The following GRM8 variants were observed in gnomAD, a reference collection of about 807,000 sequenced individuals.
GRM8 encodes the protein metabotropic glutamate receptor 8.
In GRM8, 47 loss-of-function variants were observed where a neutral mutation model predicts 87.2. The ratio of observed to expected loss-of-function variants is 0.54; its 90% CI spans 0.43 to 0.69. The LOEUF (loss-of-function observed/expected upper bound fraction) is 0.69, where lower values mean the gene tolerates loss of function less well. Ranked by LOEUF, GRM8 falls within the 30% of genes least tolerant of loss-of-function variation. The pLI is 0.00. For synonymous variants in GRM8, 396 were observed against 404.5 expected (o/e 0.98, Z 0.25); for missense variants, 1,019 against 1,139.2 (o/e 0.89, Z 1.52).
chr7:127,214,609 G>A (rs755009812), intron 2 of GRM8, among the ~76,000 whole-genome samples: 1 of 152,166 alleles, frequency 6.6e-6, no homozygotes. Flanking sequence ...ATGGCGGCAG[G>A]AGAAGGAGCG....
intron 6 of GRM8, among the ~76,000 whole-genome samples, chr7:126,784,286 C>A (rs1820398337): frequency 1.3e-5 from 2 of 152,182 alleles, no homozygotes; most frequent in South Asian, 4.1e-4. Flanking sequence ...ACAGTTTCAT[C>A]TTTAAACTTT....
At chr7:126,601,368 G>T (rs372800520) in intron 8 of GRM8, among the ~76,000 whole-genome samples, 2 of 151,916 alleles carry the variant, frequency 1.3e-5, no homozygotes, top group African/African-American at 2.4e-5. Context: ...TCTTTGCTAT[G>T]GTGAATAATG....
chr7:127,081,905 C>A (rs1822912762), intron 3 of GRM8, among the ~76,000 whole-genome samples: 1 of 152,082 alleles, frequency 6.6e-6, no homozygotes, highest in African/African-American at 2.4e-5. Context: ...ATCAGCAGTG[C>A]TGGAGGATGC....
chr7:126,749,527 AATAT>A lies in GRM8; in HGVS notation c.1357+20334_1357+20337del, dbSNP rs1585772628. ...AAAGTGAAAAGAAAAATATTTGTTA[AATAT>A]ATAAACAAATATTACATATTTTTAT... is the stretch of plus-strand genomic sequence containing the variant. On this transcript the variant is annotated intron_variant, in intron 7 of 10. Coordinates refer to ENST00000339582, the MANE Select transcript of GRM8 (RefSeq NM_000845.3). Among the ~76,000 whole-genome samples, 3 of 150,798 alleles carry A rather than the reference AATAT, an allele frequency of 2.0e-5. No individual in the cohort carries two copies. In the East Asian group the frequency reaches 5.8e-4, roughly 29 times the overall value.
At chr7:126,495,870 C>T (rs1004197118) in intron 9 of GRM8, among the ~76,000 whole-genome samples, 10 of 151,882 alleles carry the variant, frequency 6.6e-5, no homozygotes, top group South Asian at 2.1e-4. Context: ...AGGTGGCTAA[C>T]GAAAATATCC....
In GRM8 at chr7:126,733,347, T is replaced by C. The variant is rs551687801; in HGVS notation, c.1357+36518A>G. Among the ~76,000 whole-genome samples the C allele has an allele frequency of 2.4e-4, 36 of 150,934 alleles. No individual in the cohort carries two copies. The South Asian group carries it at 6.6e-3, about 28-fold the overall frequency. ...GTGAAAGTATTTGTTTACTTTATTA[T>C]ATATAATATACATTAAATTGATAAT... On this transcript the variant is annotated intron_variant, in intron 7 of 10. Coordinates refer to ENST00000339582, the MANE Select transcript of GRM8 (RefSeq NM_000845.3).
chr7:126,532,778 T>G (rs1303609092), intron 9 of GRM8, among the ~76,000 whole-genome samples, 174 bp downstream of exon 9: 9 of 9,524 alleles, frequency 9.4e-4, no homozygotes, highest in African/African-American at 5.1e-3. Flanking sequence ...TATATATATA[T>G]ATATATATAT....
chr7:126,920,331 T>C (rs549593019), intron 3 of GRM8, among the ~76,000 whole-genome samples: 1 of 152,212 alleles, frequency 6.6e-6, no homozygotes, highest in South Asian at 2.1e-4. Flanking sequence ...CAACCTGAGC[T>C]AAAACACTCT....
chr7:126,778,787 C>T (rs1819742737), intron 6 of GRM8, among the ~76,000 whole-genome samples: 1 of 152,066 alleles, frequency 6.6e-6, no homozygotes, highest in African/African-American at 2.4e-5. Flanking sequence ...CAATATGTTA[C>T]AGTCATTTCA....
At chr7:127,102,602 A>G (rs1273923345) in intron 3 of GRM8, among the ~76,000 whole-genome samples, 3 of 152,226 alleles carry the variant, frequency 2.0e-5, no homozygotes, top group Non-Finnish European at 2.9e-5. Context: ...ATGAGCTACT[A>G]TAAGCCTTGA....
intron 3 of GRM8, among the ~76,000 whole-genome samples, chr7:127,037,832 C>CAT (rs372219560): frequency 3.4e-5 from 5 of 147,324 alleles, no homozygotes; most frequent in East Asian, 2.1e-4. Flanking sequence ...CATGCGCATC[C>CAT]GTGTGTGTGT....
chr7:126,834,312 A>T lies in GRM8; in HGVS notation c.1157-64247T>A, dbSNP rs529005657. Among the ~76,000 whole-genome samples, 11 of 152,366 alleles carry T rather than the reference A, an allele frequency of 7.2e-5. No individual in the cohort carries two copies. In the South Asian group the frequency reaches 2.3e-3, roughly 32 times the overall value. Reference sequence around the variant, plus strand: ...TTTTAAGGGGAAACAATACATGGGAATTCAATTGTGCATATCCTAATGGAG... The same window carrying T: ...TTTTAAGGGGAAACAATACATGGGATTTCAATTGTGCATATCCTAATGGAG... On this transcript the variant is annotated intron_variant, in intron 6 of 10. Transcript: ENST00000339582.
intron 3 of GRM8, among the ~76,000 whole-genome samples, chr7:127,080,103 C>T (rs932162345): frequency 2.6e-5 from 4 of 152,088 alleles, no homozygotes; most frequent in Non-Finnish European, 5.9e-5. Flanking sequence ...GGAAGATGAT[C>T]CCAGATGATT....
At chr7:126,679,856 C>T (rs1179337600) in intron 7 of GRM8, among the ~76,000 whole-genome samples, 1 of 152,022 alleles carries the variant, frequency 6.6e-6, no homozygotes, top group East Asian at 1.9e-4. Context: ...ATGGCAAAAC[C>T]CCATCTCTAC....
chr7:126,665,867 T>C (rs1805705530), intron 7 of GRM8, among the ~76,000 whole-genome samples: 1 of 152,142 alleles, frequency 6.6e-6, no homozygotes, highest in South Asian at 2.1e-4. Flanking sequence ...GCATGTTTTA[T>C]TGTTTTCAAT....
intron 10 of GRM8, among the ~76,000 whole-genome samples, chr7:126,442,938 T>A (rs1201949596): frequency 6.6e-6 from 1 of 152,012 alleles, no homozygotes; most frequent in Admixed American, 6.6e-5. Context: ...GGCAGATACC[T>A]CGCAAGAATC....
chr7:126,469,441 G>C (rs559519276), intron 9 of GRM8, among the ~76,000 whole-genome samples: 124 of 152,094 alleles, frequency 8.2e-4, no homozygotes, highest in Admixed American at 4.7e-3. Context: ...ATATGGTTTG[G>C]CTATGTCCCC....
At chr7:126,752,844 C>G (rs766945590) in intron 7 of GRM8, among the ~76,000 whole-genome samples, 11 of 152,068 alleles carry the variant, frequency 7.2e-5, no homozygotes, top group Non-Finnish European at 1.0e-4. Flanking sequence ...CTTGACTTCC[C>G]TACCTAATTA....
intron 7 of GRM8, among the ~76,000 whole-genome samples, chr7:126,718,928 G>A (rs974090453): frequency 1.3e-5 from 2 of 151,986 alleles, no homozygotes; most frequent in Admixed American, 1.3e-4. Flanking sequence ...AAAATATTAG[G>A]GTCTGTACCA....
Sources: allele counts gnomAD v4.1 joint callset (sites outside exome capture counted in the v4.1 genomes callset), GRCh38; gene constraint gnomAD v4.1.1; transcripts MANE v1.5; gene names NCBI Gene and HGNC (gene_info 2026-07-23, HGNC 2026-07-21).